The following FAM83B variants were observed in gnomAD, a reference collection of about 807,000 sequenced individuals.
FAM83B encodes protein FAM83B.
Under a neutral mutation model 38.8 loss-of-function variants are expected in FAM83B, and 26 were observed. The ratio of observed to expected loss-of-function variants is 0.67; its 90% CI spans 0.49 to 0.93. The LOEUF (loss-of-function observed/expected upper bound fraction) is 0.93. Ranked by LOEUF, FAM83B falls within the 40% of genes least tolerant of loss-of-function variation. The pLI, the probability that FAM83B is intolerant of heterozygous loss-of-function variation, is 0.00. For missense variants in FAM83B, 1,237 were observed against 1,197.3 expected, an observed-to-expected ratio of 1.03 and a Z score of -0.49; for synonymous variants, 419 against 423.1, an observed-to-expected ratio of 0.99 and a Z score of 0.12.
intron 4 of FAM83B, among the ~76,000 whole-genome samples, chr6:54,932,525 C>G (rs1773446196): frequency 6.6e-6 from 1 of 152,134 alleles, no homozygotes; most frequent in Non-Finnish European, 1.5e-5. Context: ...TGCAATAGTA[C>G]AGGTCACTTC....
intron 2 of FAM83B, among the ~76,000 whole-genome samples, chr6:54,898,423 G>A (rs1772586167): frequency 1.3e-5 from 2 of 152,168 alleles, no homozygotes; most frequent in Non-Finnish European, 2.9e-5. Flanking sequence ...GCTGGTCTTT[G>A]TAGGTCATTT....
intron 2 of FAM83B, among the ~76,000 whole-genome samples, chr6:54,894,312 C>CT (rs956425141): frequency 1.0e-3 from 148 of 147,538 alleles, no homozygotes; most frequent in Admixed American, 2.4e-3. Context: ...GTCCTAGGAA[C>CT]TTTTTTTTTT....
intron 2 of FAM83B, among the ~76,000 whole-genome samples, chr6:54,908,165 T>C (rs1772820009): frequency 6.6e-6 from 1 of 151,186 alleles, no homozygotes; most frequent in South Asian, 2.1e-4. Context: ...GCAATTACTG[T>C]CAGAGTGGGT....
At chr6:54,873,080 C>A (rs1771898974) in intron 2 of FAM83B, among the ~76,000 whole-genome samples, 1 of 150,460 alleles carries the variant, frequency 6.6e-6, no homozygotes, top group Non-Finnish European at 1.5e-5. Flanking sequence ...CTAGGCTGGT[C>A]TCAAACTCCT....
rs775004920 is a variant in FAM83B at position 54,870,274 on chromosome 6, T to G, written c.28T>G (p.Leu10Val). Reference protein sequence around the residue: METSSMLSSLNDECKSDNYI... With the variant: METSSMLSSVNDECKSDNYI... ...GGAGACCTCATCAATGCTTTCCTCA[T>G]TGAATGATGAGTGTAAATCTGACAA... The change falls in exon 2 of 5, where the codon TTG (leucine) becomes GTG (valine). Residue 10 changes from leucine to valine, a missense_variant. Leu to Val is a conservative substitution (Grantham distance 32). Transcript: ENST00000306858. The G allele has an allele frequency of 2.5e-6, 4 of 1,613,646 alleles. No individual in the cohort carries two copies. In the African/African-American group the frequency reaches 5.3e-5, roughly 22 times the overall value.
intron 2 of FAM83B, among the ~76,000 whole-genome samples, chr6:54,892,113 A>T (rs1156284013): frequency 6.6e-6 from 1 of 152,212 alleles, no homozygotes; most frequent in Admixed American, 6.5e-5. Context: ...GTATTCCTGT[A>T]GCCACTTGCC....
At chr6:54,887,726 A>T (rs970804259) in intron 2 of FAM83B, among the ~76,000 whole-genome samples, 1 of 151,886 alleles carries the variant, frequency 6.6e-6, no homozygotes, top group Middle Eastern at 3.2e-3. Context: ...TAACTATTTA[A>T]CTTTATAAAA....
chr6:54,870,777 A>G (rs1561909110), intron 2 of FAM83B, 87 bp downstream of exon 2: 6 of 1,260,790 alleles, frequency 4.8e-6, no homozygotes. Context: ...TGTTAATAAA[A>G]GAATCTCTAT....
intron 3 of FAM83B, among the ~76,000 whole-genome samples, chr6:54,926,799 C>G (rs1432673098): frequency 1.3e-5 from 2 of 152,104 alleles, no homozygotes; most frequent in Non-Finnish European, 2.9e-5. Context: ...CTGGTGCATT[C>G]TCAGCTCACT....
At chr6:54,877,711 G>A (rs1482447453) in intron 2 of FAM83B, among the ~76,000 whole-genome samples, 2 of 152,210 alleles carry the variant, frequency 1.3e-5, no homozygotes, top group Admixed American at 1.3e-4. Context: ...GACCTTCATA[G>A]TAACCTTGTG....
intron 2 of FAM83B, among the ~76,000 whole-genome samples, chr6:54,898,697 C>G (rs76339244): frequency 0.036 from 5,424 of 152,226 alleles, 312 homozygotes; most frequent in African/African-American, 0.12. Flanking sequence ...TTAACTCTTT[C>G]CTCTTTCCCG....
At chr6:54,859,576 A>T (rs775252283) in intron 1 of FAM83B, among the ~76,000 whole-genome samples, 3 of 152,190 alleles carry the variant, frequency 2.0e-5, no homozygotes, top group Non-Finnish European at 4.4e-5. Flanking sequence ...TGATGCATTT[A>T]AATAATGCAT....
chr6:54,929,084 ATTCTCTGTGTTATCTCAAG>A (rs1773370217), intron 4 of FAM83B, among the ~76,000 whole-genome samples: 2 of 152,268 alleles, frequency 1.3e-5, no homozygotes, highest in Admixed American at 1.3e-4. Context: ...CTAACACTCT[ATTCTCTGTGTTATCTCAAG>A]TTCATTTTAA....
chr6:54,876,777 G>T (rs911760233), intron 2 of FAM83B, among the ~76,000 whole-genome samples: 1 of 152,016 alleles, frequency 6.6e-6, no homozygotes, highest in African/African-American at 2.4e-5. Context: ...ACTGCACATG[G>T]TGTGTATAGT....
intron 2 of FAM83B, among the ~76,000 whole-genome samples, chr6:54,886,260 AGTC>A (rs1171409476): frequency 3.9e-5 from 6 of 152,070 alleles, no homozygotes; most frequent in South Asian, 2.1e-4. Flanking sequence ...TTATAATTGT[AGTC>A]GTCAGTTTTT....
intron 2 of FAM83B, among the ~76,000 whole-genome samples, chr6:54,908,384 T>G (rs1772824617): frequency 6.6e-6 from 1 of 152,126 alleles, no homozygotes; most frequent in Admixed American, 6.5e-5. Context: ...ATTCCTAAAG[T>G]ATCATTCTAC....
At chr6:54,875,747 A>C (rs1406017248) in intron 2 of FAM83B, among the ~76,000 whole-genome samples, 1 of 141,034 alleles carries the variant, frequency 7.1e-6, no homozygotes, top group Non-Finnish European at 1.6e-5. Flanking sequence ...AGGTGGAAGA[A>C]AGGGAGAGAA....
intron 2 of FAM83B, among the ~76,000 whole-genome samples, chr6:54,901,005 A>G (rs957652499): frequency 5.3e-5 from 8 of 152,210 alleles, no homozygotes; most frequent in African/African-American, 1.9e-4. Flanking sequence ...CTATTAGAAC[A>G]TGATTGCTCT....
At chr6:54,902,611 A>G (rs1772684863) in intron 2 of FAM83B, among the ~76,000 whole-genome samples, 1 of 151,034 alleles carries the variant, frequency 6.6e-6, no homozygotes, top group African/African-American at 2.5e-5. Flanking sequence ...ATTTTTCTAC[A>G]TTTTTCCATA....
Sources: gnomAD v4.1 joint callset for allele counts (sites outside exome capture counted in the v4.1 genomes callset) on GRCh38, gnomAD v4.1.1 for gene constraint, MANE v1.5 for transcripts, NCBI Gene and HGNC (gene_info 2026-07-23, HGNC 2026-07-21) for gene names.